HTR2C: variants seen among roughly 807,000 people sequenced by gnomAD.
HTR2C encodes the protein 5-hydroxytryptamine receptor 2C, also known as 5-hydroxytryptamine (serotonin) receptor 2C, G protein-coupled.
A neutral mutation model predicts 21.0 loss-of-function variants in HTR2C; 5 were observed. The observed-to-expected ratio is 0.24, with a 90% CI of 0.12 to 0.50. The LOEUF is 0.50. Ranked by LOEUF, HTR2C falls within the 20% of genes least tolerant of loss-of-function variation. HTR2C has a pLI of 0.98. For missense variants in HTR2C, 271 were observed against 371.2 expected, an observed-to-expected ratio of 0.73 and a Z score of 2.22; for synonymous variants, 150 against 145.3, an observed-to-expected ratio of 1.03 and a Z score of -0.23.
rs1421515922 is a variant in HTR2C at position 114,584,520 on chromosome X, C to A, written c.-286C>A. The A allele has an allele frequency of 8.8e-6, 1 of 113,110 alleles. No homozygotes were observed. The highest frequency in any genetic ancestry group is 3.2e-5 in the African/African-American group (1 of 31,177). The allele number at this position is 113,110 out of a possible 1,213,427, so 9.3% of individuals were successfully genotyped here. A position where few individuals can be genotyped will look rare whatever the true frequency, so the allele number is the denominator to read the frequency against. On this transcript the variant is annotated 5_prime_UTR_variant, in exon 1 of 6. Transcript: ENST00000276198. The stretch of plus-strand genomic sequence containing the variant: ...CTCCATTCCTCTCCCTCCGCCGAGG[C>A]GCGAGGTTGCGGCGCGCAGCGCAGC...
intron 4 of HTR2C, among the ~76,000 whole-genome samples, chrX:114,807,146 A>ATG (rs1556450607): frequency 0.016 from 559 of 33,941 alleles, 225 homozygotes; most frequent in Admixed American, 0.025. Context: ...TATATACCAT[A>ATG]TATACACCAT....
intron 4 of HTR2C, among the ~76,000 whole-genome samples, chrX:114,781,352 C>A (rs1400753915): frequency 5.4e-5 from 6 of 110,600 alleles, no homozygotes; most frequent in Non-Finnish European, 9.5e-5. Context: ...AAAAATTAGC[C>A]TGGTGTGGTG....
At chrX:114,861,634 T>C (rs1477558522) in intron 5 of HTR2C, among the ~76,000 whole-genome samples, 1 of 111,036 alleles carries the variant, frequency 9.0e-6, no homozygotes, top group African/African-American at 3.3e-5. Flanking sequence ...TTGCCTTTCC[T>C]CCACGCATTT....
chrX:114,733,699 C>T (rs2069559489), intron 4 of HTR2C, among the ~76,000 whole-genome samples: 1 of 109,902 alleles, frequency 9.1e-6, no homozygotes, highest in Admixed American at 9.8e-5. Flanking sequence ...TCACCCCTCC[C>T]TCTACTGTCT....
chrX:114,702,669 C>G (rs1424421161), intron 2 of HTR2C, among the ~76,000 whole-genome samples: 2 of 110,376 alleles, frequency 1.8e-5, no homozygotes, highest in Non-Finnish European at 3.8e-5. Context: ...GCAAAATAAC[C>G]AGCTAACATC....
At chrX:114,903,028 A>T (rs143379043) in intron 5 of HTR2C, among the ~76,000 whole-genome samples, 160 of 112,206 alleles carry the variant, frequency 1.4e-3, no homozygotes, top group African/African-American at 4.7e-3. Context: ...TTATGAAGAA[A>T]ATGCAGTTTT....
At chrX:114,648,486 G>A (rs927046068) in intron 2 of HTR2C, among the ~76,000 whole-genome samples, 2 of 111,614 alleles carry the variant, frequency 1.8e-5, no homozygotes, top group South Asian at 7.5e-4. Flanking sequence ...CCAGCACTTT[G>A]GGAGGCCGAG....
chrX:114,907,379 C>T lies in HTR2C; in HGVS notation c.1341C>T (p.Pro447=). ...AGAATTTAGAGTTACCAGTAAATCC[C>T]TCCAGTGTGGTTAGCGAAAGGATTA... The part of the protein sequence containing the change: ...QVENLELPVN[P]SSVVSERISS... Residue 447 remains proline, a synonymous_variant, in exon 6 of 6, where the codon CCC becomes CCT. Transcript: ENST00000276198. 8.3e-7 allele frequency: 1 copy of T among 1,209,447 alleles called. No individual in the cohort carries two copies. Among genetic ancestry groups the T allele is most frequent in the Non-Finnish European group, 1.1e-6 (1 of 893,472 alleles).
chrX:114,731,295 G>T lies in HTR2C; in HGVS notation c.37G>T (p.Val13Leu). 1 of 1,154,046 alleles carries T rather than the reference G, an allele frequency of 8.7e-7. No homozygotes were observed. Residue 13 changes from valine (V) to leucine (L), a missense_variant and splice_region_variant, in exon 4 of 6, where the codon GTG (valine) becomes TTG (leucine). Val to Leu is a conservative substitution (Grantham distance 32, BLOSUM62 1). Around this residue, in one of 5 missense-constraint regions of HTR2C, gnomAD observed 57 missense variants for 64.0 expected, o/e 0.89. Coordinates refer to ENST00000276198, the MANE Select transcript of HTR2C (RefSeq NM_000868.4). ...GTTTTTTTTTTTCTTAATTTTCAGT[G>T]TGCACCTAATTGGCCTATTGGTTTG... The part of the protein sequence containing the change: ...NLRNAVHSFL[V>L]HLIGLLVWQS...
At chrX:114,870,414 TG>T (rs1428749726) in intron 5 of HTR2C, among the ~76,000 whole-genome samples, 4 of 111,393 alleles carry the variant, frequency 3.6e-5, no homozygotes, top group Non-Finnish European at 7.5e-5. Context: ...TGTCTTTTTT[TG>T]GTATCAGGAT....
chrX:114,907,860 A>C lies in HTR2C; in HGVS notation c.*445A>C. On this transcript the variant is annotated 3_prime_UTR_variant, in exon 6 of 6. Transcript: ENST00000276198. ...CATTTGTTCTGGGTTAACAGTAAAT[A>C]TACACTTTACATTCTTGCTCTGCTC... is the stretch of plus-strand genomic sequence containing the variant. 1 of 121,551 alleles carries C rather than the reference A, an allele frequency of 8.2e-6. No individual in the cohort carries two copies. Among genetic ancestry groups the C allele is most frequent in the South Asian group, 3.1e-4 (1 of 3,275 alleles). The allele number at this position is 121,551 out of a possible 1,213,427, so 10.0% of individuals were successfully genotyped here.
At chrX:114,627,764 A>AT (rs1285195581) in intron 2 of HTR2C, among the ~76,000 whole-genome samples, 1 of 111,979 alleles carries the variant, frequency 8.9e-6, no homozygotes, top group South Asian at 3.7e-4. Flanking sequence ...GGATCAAATA[A>AT]TTTTTTCACA....
intron 2 of HTR2C, among the ~76,000 whole-genome samples, chrX:114,725,513 G>A (rs1273664104): frequency 1.2e-4 from 13 of 112,036 alleles, no homozygotes; most frequent in Admixed American, 5.7e-4. Context: ...TCTTCTCTCA[G>A]CTCGTCAAAG....
chrX:114,842,182 T>C (rs1213202790), intron 4 of HTR2C, among the ~76,000 whole-genome samples: 1 of 112,607 alleles, frequency 8.9e-6, no homozygotes, highest in African/African-American at 3.2e-5. Flanking sequence ...GGTTTTAAGC[T>C]GCCTGCTACC....
intron 2 of HTR2C, among the ~76,000 whole-genome samples, chrX:114,638,166 T>A (rs1929925713): frequency 8.9e-6 from 1 of 111,908 alleles, no homozygotes; most frequent in Non-Finnish European, 1.9e-5. Context: ...ACAGGGAGTT[T>A]CCTCTCAGAT....
intron 5 of HTR2C, among the ~76,000 whole-genome samples, chrX:114,854,798 G>A (rs1275758609): frequency 9.0e-6 from 1 of 111,097 alleles, no homozygotes; most frequent in Non-Finnish European, 1.9e-5. Flanking sequence ...TGCAGAATGG[G>A]AAAAAATATT....
intron 4 of HTR2C, among the ~76,000 whole-genome samples, chrX:114,840,511 G>A (rs2070824693): frequency 9.0e-6 from 1 of 111,160 alleles, no homozygotes; most frequent in African/African-American, 3.3e-5. Context: ...AAAAAAGAAT[G>A]GACTCTCAGG....
rs1297230313 is a variant in HTR2C, at chrX:114,806,423, GTA to G, written c.350-41571_350-41570del. Among the ~76,000 whole-genome samples the G allele has an allele frequency of 1.6e-3, 57 of 36,733 alleles. 7 individuals carry two copies. The highest frequency in any genetic ancestry group is 9.3e-3 in the South Asian group (4 of 430). 31.9% of individuals were successfully genotyped at this position (36,733 alleles called of 115,157 possible). On this transcript the variant is annotated intron_variant, in intron 4 of 5. Coordinates refer to ENST00000276198, the MANE Select transcript of HTR2C (RefSeq NM_000868.4). ...TATATATACACCATATATATATACT[GTA>G]TATATATACACCATATATATATACT... is the stretch of plus-strand genomic sequence containing the variant.
intron 5 of HTR2C, among the ~76,000 whole-genome samples, chrX:114,899,234 C>T (rs184616974): frequency 9.0e-6 from 1 of 111,654 alleles, no homozygotes; most frequent in East Asian, 2.8e-4. Context: ...AGGCAGGCTC[C>T]ACCCTGTTGC....
Sources: allele counts gnomAD v4.1 joint callset (sites outside exome capture counted in the v4.1 genomes callset), GRCh38; gene constraint gnomAD v4.1.1; regional missense constraint gnomAD v4.1.1; transcripts MANE v1.5; gene names NCBI Gene and HGNC (gene_info 2026-07-23, HGNC 2026-07-21).